Variants in ZMYM4 observed in about 807,000 individuals in gnomAD.
The protein encoded by ZMYM4 is zinc finger MYM-type protein 4.
Under a neutral mutation model 183.2 loss-of-function variants are expected in ZMYM4, and 31 were observed. The observed-to-expected ratio is 0.17, with a 90% CI of 0.13 to 0.23. ZMYM4 has a LOEUF of 0.23. ZMYM4 is among the 10% of genes least tolerant of loss of function. The probability of loss-of-function intolerance (pLI) is 1.00; values close to 1 mark genes in which losing one functional copy is unlikely to be tolerated. For missense variants in ZMYM4, 1,273 were observed against 1,840.3 expected, an observed-to-expected ratio of 0.69 and a Z score of 5.64; for synonymous variants, 592 against 631.2, an observed-to-expected ratio of 0.94 and a Z score of 0.93.
At chr1:35,418,699 T>TC in intron 29 of ZMYM4, 127 bp downstream of exon 29, 2 of 1,188,702 alleles carry the variant, frequency 1.7e-6, no homozygotes, top group Admixed American at 4.9e-5. Flanking sequence ...ATGAATTTTT[T>TC]CCCCATTGTC....
chr1:35,322,006 T>A (rs1446894077), intron 1 of ZMYM4, among the ~76,000 whole-genome samples: 1 of 151,728 alleles, frequency 6.6e-6, no homozygotes, highest in Non-Finnish European at 1.5e-5. Context: ...CAGTATAATA[T>A]AATAAGAGAC....
intron 5 of ZMYM4, among the ~76,000 whole-genome samples, chr1:35,365,622 CTG>C (rs563955088): frequency 1.8e-3 from 275 of 152,090 alleles, no homozygotes; most frequent in African/African-American, 6.5e-3. Flanking sequence ...GCAATAGAAA[CTG>C]TGTTATTCAT....
intron 18 of ZMYM4, 42 bp downstream of exon 18, chr1:35,393,781 G>A: frequency 6.5e-7 from 1 of 1,545,736 alleles, no homozygotes; most frequent in Non-Finnish European, 8.7e-7. Context: ...TTTTTTAAGG[G>A]AAAGAAATGT....
chr1:35,271,960 C>G (rs1320660047), intron 1 of ZMYM4, among the ~76,000 whole-genome samples: 1 of 152,108 alleles, frequency 6.6e-6, no homozygotes, highest in Non-Finnish European at 1.5e-5. Context: ...GAAACCCCCT[C>G]TCTAGAAAAA....
chr1:35,344,498 C>A (rs948403698), intron 2 of ZMYM4, among the ~76,000 whole-genome samples: 9 of 151,816 alleles, frequency 5.9e-5, no homozygotes, highest in African/African-American at 2.2e-4. Context: ...GATGCCCTCT[C>A]TCAGATCAAA....
Position 35,419,647 on chromosome 1 carries a change from T to C in ZMYM4, c.4617T>C (p.Ser1539=). ...EVHEELAKAK[S]EDSDVELSD ...ATGAAGAACTTGCCAAAGCCAAATC[T>C]GAAGACTCTGATGTTGAATTATCAG... Residue 1539 remains serine (S), a synonymous_variant, in exon 30 of 30, where the codon TCT becomes TCC. Transcript: ENST00000314607. 6.2e-7 allele frequency: 1 copy of C among 1,614,184 alleles called. No homozygotes were observed. Among genetic ancestry groups the C allele is most frequent in the Non-Finnish European group, 8.5e-7 (1 of 1,180,008 alleles).
intron 1 of ZMYM4, among the ~76,000 whole-genome samples, chr1:35,286,244 C>T (rs954734730): frequency 6.6e-6 from 1 of 151,880 alleles, no homozygotes; most frequent in African/African-American, 2.4e-5. Context: ...TATTTATGTA[C>T]ACTAGAACAA....
chr1:35,274,945 T>C (rs923404130), intron 1 of ZMYM4, among the ~76,000 whole-genome samples: 2 of 152,150 alleles, frequency 1.3e-5, no homozygotes, highest in Non-Finnish European at 2.9e-5. Context: ...TATCCAGAAA[T>C]ATTATGGTTA....
intron 1 of ZMYM4, among the ~76,000 whole-genome samples, chr1:35,308,304 T>A (rs1316472468): frequency 1.3e-5 from 2 of 152,190 alleles, no homozygotes; most frequent in Admixed American, 1.3e-4. Context: ...AGTACTTAAT[T>A]TTAAGGTAGT....
intron 2 of ZMYM4, chr1:35,350,947 C>A: frequency 1.5e-6 from 1 of 673,876 alleles, no homozygotes. Flanking sequence ...ATAGTCTGTG[C>A]GGCATATGCA....
rs373827382 is a variant in ZMYM4 at position 35,296,524 on chromosome 1, T to C, written c.39+27439T>C. Reference sequence around the variant, plus strand: ...AGCAAAATCTTGGAATTTTTTGGCCTGTAAAACTGTTTCCATTGTGTGTAC... The same window carrying C: ...AGCAAAATCTTGGAATTTTTTGGCCCGTAAAACTGTTTCCATTGTGTGTAC... On this transcript the variant is annotated intron_variant, in intron 1 of 29. Transcript: ENST00000314607. Among the ~76,000 whole-genome samples, 28 of 152,354 alleles carry C rather than the reference T, an allele frequency of 1.8e-4. No homozygotes were observed. The South Asian group carries it at 5.8e-3, about 32-fold the overall frequency.
At chr1:35,377,313 A>G (rs1199753482) in intron 7 of ZMYM4, among the ~76,000 whole-genome samples, 3 of 152,226 alleles carry the variant, frequency 2.0e-5, no homozygotes, top group Non-Finnish European at 4.4e-5. Context: ...ATACATTAAA[A>G]CCTAATTTTA....
At position 35,394,424 on chromosome 1, in the gene ZMYM4, C is replaced by T. The variant is rs117517907; in HGVS notation, c.2911+685C>T. Among the ~76,000 whole-genome samples the T allele has an allele frequency of 9.2e-5, 14 of 152,004 alleles. No individual in the cohort carries two copies. The East Asian group carries it at 2.1e-3, about 23-fold the overall frequency. On this transcript the variant is annotated intron_variant, in intron 18 of 29. Coordinates refer to ENST00000314607, the MANE Select transcript of ZMYM4 (RefSeq NM_005095.3). The stretch of plus-strand genomic sequence containing the variant: ...GAAGGGAAGCCCCTGACCTCTTGCC[C>T]GTACTCACCAGGAATTTAGCCTCTT...
At chr1:35,413,315 G>T (rs1639989419) in intron 26 of ZMYM4, among the ~76,000 whole-genome samples, 1 of 152,102 alleles carries the variant, frequency 6.6e-6, no homozygotes, top group South Asian at 2.1e-4. Flanking sequence ...AAAGCACTGG[G>T]ATTACCATTC....
intron 2 of ZMYM4, among the ~76,000 whole-genome samples, chr1:35,355,203 T>C (rs1295033313): frequency 8.1e-6 from 1 of 123,728 alleles, no homozygotes; most frequent in African/African-American, 3.0e-5. Flanking sequence ...CTGGCTTCTT[T>C]TTTTTTTTTT....
intron 9 of ZMYM4, among the ~76,000 whole-genome samples, chr1:35,384,303 G>T (rs1644526358): frequency 6.6e-6 from 1 of 152,092 alleles, no homozygotes; most frequent in African/African-American, 2.4e-5. Context: ...GGGAAATGGG[G>T]TTAGAGATTT....
At chr1:35,380,478 C>CCG (rs1182524276) in intron 7 of ZMYM4, among the ~76,000 whole-genome samples, 1 of 152,140 alleles carries the variant, frequency 6.6e-6, no homozygotes, top group Non-Finnish European at 1.5e-5. Flanking sequence ...CAGGCACATG[C>CCG]CGCCACGCCT....
Position 35,390,055 on chromosome 1 carries a change from T to C in ZMYM4, c.2544T>C (p.Cys848=), listed in dbSNP as rs1461550999. Residue 848 remains cysteine (C), a synonymous_variant, in exon 15 of 30, where the codon TGT becomes TGC. Transcript: ENST00000314607. ...ACCTGCTTTGTATCTTGATGTTCTG[T>C]AATCAGCAAAGTGTATGTGACCCGC... ...FCNLLCILMF[C]NQQSVCDPPS... 1 of 1,614,008 alleles carries C rather than the reference T, an allele frequency of 6.2e-7. No homozygotes were observed. The highest frequency in any genetic ancestry group is 1.3e-5 in the African/African-American group (1 of 75,024).
rs1361564716 is a variant in ZMYM4, at chr1:35,359,190, C to T, written c.351C>T (p.Val117=). Residue 117 remains valine, a synonymous_variant, in exon 3 of 30, where the codon GTC becomes GTT. Coordinates refer to ENST00000314607, the MANE Select transcript of ZMYM4 (RefSeq NM_005095.3). ...TDDSLEVERR[V]TQHESDNENE... is the part of the protein sequence containing the mutation. ...ATAGCTTGGAAGTAGAGAGAAGAGTCACACAGCATGAATCAGACAATGAAA... is the reference window on the plus strand; with the variant it reads ...ATAGCTTGGAAGTAGAGAGAAGAGTTACACAGCATGAATCAGACAATGAAA... 1.9e-6 allele frequency: 3 copies of T among 1,613,370 alleles called. No homozygotes were observed. Among genetic ancestry groups the T allele is most frequent in the Admixed American group, 1.7e-5 (1 of 59,970 alleles).
Sources: allele counts gnomAD v4.1 joint callset (sites outside exome capture counted in the v4.1 genomes callset), GRCh38; gene constraint gnomAD v4.1.1; transcripts MANE v1.5; gene names NCBI Gene and HGNC (gene_info 2026-07-23, HGNC 2026-07-21).